DCDC1: variants seen among roughly 807,000 people sequenced by gnomAD.
The protein encoded by DCDC1 is doublecortin domain containing 1.
In DCDC1, 200 loss-of-function variants were observed where a neutral mutation model predicts 178.3. The ratio of observed to expected loss-of-function variants is 1.12; its 90% CI spans 1.00 to 1.26. The LOEUF (loss-of-function observed/expected upper bound fraction) is 1.26, where lower values mean the gene tolerates loss of function less well. DCDC1 is among the 50% of genes most tolerant of loss of function. The pLI is 0.00. For synonymous variants in DCDC1, 690 were observed against 604.8 expected (o/e 1.14, Z -2.07); for missense variants, 1,983 against 1,749.2 (o/e 1.13, Z -2.38).
chr11:31,264,906 G>C (rs1945040340), intron 8 of DCDC1, among the ~76,000 whole-genome samples: 1 of 152,094 alleles, frequency 6.6e-6, no homozygotes, highest in Non-Finnish European at 1.5e-5. Context: ...TTCAGTAGTA[G>C]CTTCAGATTG....
At chr11:30,888,418 C>A (rs1943494893) in intron 36 of DCDC1, among the ~76,000 whole-genome samples, 1 of 152,154 alleles carries the variant, frequency 6.6e-6, no homozygotes, top group African/African-American at 2.4e-5. Flanking sequence ...CATATTATGA[C>A]CTTTAAAGAC....
intron 36 of DCDC1, chr11:30,881,953 C>G (rs12284024): frequency 6.5e-6 from 1 of 153,768 alleles, no homozygotes; most frequent in South Asian, 2.1e-4. Flanking sequence ...TGCTGCCAGA[C>G]CCTTGAAGGC....
intron 9 of DCDC1, among the ~76,000 whole-genome samples, chr11:31,179,271 T>C (rs1968471695): frequency 6.6e-6 from 1 of 152,074 alleles, no homozygotes; most frequent in Non-Finnish European, 1.5e-5. Flanking sequence ...ACTATGAAGG[T>C]TCCTCAAAAT....
intron 1 of DCDC1, among the ~76,000 whole-genome samples, chr11:31,362,490 T>G (rs1951760834): frequency 6.6e-6 from 1 of 152,226 alleles, no homozygotes; most frequent in African/African-American, 2.4e-5. Context: ...TCACCACCTC[T>G]CATTCCTCAT....
chr11:31,280,192 A>C (rs1012109865), intron 7 of DCDC1, among the ~76,000 whole-genome samples: 3 of 152,154 alleles, frequency 2.0e-5, no homozygotes, highest in Admixed American at 2.0e-4. Flanking sequence ...CAAAAATATA[A>C]AGTAGACGTT....
intron 1 of DCDC1, among the ~76,000 whole-genome samples, chr11:31,362,780 T>C (rs1416041362): frequency 6.6e-6 from 1 of 152,202 alleles, no homozygotes; most frequent in Non-Finnish European, 1.5e-5. Flanking sequence ...AAACATCTAT[T>C]CTTCAGTATA....
At chr11:31,278,994 A>G (rs950300390) in intron 7 of DCDC1, among the ~76,000 whole-genome samples, 2 of 152,154 alleles carry the variant, frequency 1.3e-5, no homozygotes, top group African/African-American at 4.8e-5. Flanking sequence ...TCCTCAAAGA[A>G]AAGACTGGTT....
At chr11:31,333,285 T>C (rs996025111) in intron 2 of DCDC1, among the ~76,000 whole-genome samples, 12 of 152,172 alleles carry the variant, frequency 7.9e-5, no homozygotes, top group African/African-American at 2.7e-4. Flanking sequence ...TCTCTCCACA[T>C]GAGATGGGTC....
At chr11:31,176,251 G>A (rs571922215) in intron 9 of DCDC1, among the ~76,000 whole-genome samples, 11 of 152,110 alleles carry the variant, frequency 7.2e-5, no homozygotes, top group Non-Finnish European at 1.6e-4. Context: ...CTCAATGAAT[G>A]AAATAAATGA....
chr11:31,168,449 A>G (rs182445684), intron 9 of DCDC1, among the ~76,000 whole-genome samples: 46 of 152,348 alleles, frequency 3.0e-4, no homozygotes, highest in African/African-American at 1.1e-3. Context: ...GGCCCGTTAA[A>G]GACAAGGAAC....
chr11:31,230,431 T>C (rs1975624952), intron 9 of DCDC1, among the ~76,000 whole-genome samples: 1 of 151,904 alleles, frequency 6.6e-6, no homozygotes, highest in Non-Finnish European at 1.5e-5. Flanking sequence ...CTGCAGAGGC[T>C]GAGGGGTGGT....
chr11:31,363,629 G>T (rs1436688494), intron 1 of DCDC1, among the ~76,000 whole-genome samples: 1 of 151,968 alleles, frequency 6.6e-6, no homozygotes, highest in Non-Finnish European at 1.5e-5. Flanking sequence ...ACTTCAAAAG[G>T]TTCCATAACA....
At chr11:31,063,828 CA>C (rs1236723917) in intron 20 of DCDC1, among the ~76,000 whole-genome samples, 1 of 152,056 alleles carries the variant, frequency 6.6e-6, no homozygotes, top group African/African-American at 2.4e-5. Context: ...ACAGTAATTT[CA>C]AACAGTTTTA....
At chr11:30,875,406 A>C (rs1264435024) in intron 38 of DCDC1, among the ~76,000 whole-genome samples, 1 of 152,156 alleles carries the variant, frequency 6.6e-6, no homozygotes, top group Non-Finnish European at 1.5e-5. Context: ...GAGAGTCACC[A>C]CTGAGTCTAA....
At chr11:31,081,107 A>G (rs890222556) in intron 17 of DCDC1, among the ~76,000 whole-genome samples, 5 of 152,216 alleles carry the variant, frequency 3.3e-5, no homozygotes, top group South Asian at 4.1e-4. Context: ...GTATCCTCAG[A>G]GCTGATCACA....
At chr11:31,215,064 A>G in intron 9 of DCDC1, 1 of 170,866 alleles carries the variant, frequency 5.9e-6, no homozygotes, top group Non-Finnish European at 1.3e-5. Flanking sequence ...CTATGTCTAA[A>G]CTGGGTGAGA....
At chr11:31,057,027 T>C (rs1007145083) in intron 20 of DCDC1, among the ~76,000 whole-genome samples, 1 of 151,870 alleles carries the variant, frequency 6.6e-6, no homozygotes, top group Non-Finnish European at 1.5e-5. Flanking sequence ...AGGTCAGAAG[T>C]TGGAGACCAG....
At chr11:31,161,141 T>C (rs1966282374) in intron 9 of DCDC1, among the ~76,000 whole-genome samples, 1 of 152,142 alleles carries the variant, frequency 6.6e-6, no homozygotes, top group African/African-American at 2.4e-5. Flanking sequence ...CAGCTGTGAT[T>C]GCAGTACAGA....
chr11:31,263,845 G>A (rs1472619711), intron 8 of DCDC1, among the ~76,000 whole-genome samples: 1 of 152,070 alleles, frequency 6.6e-6, no homozygotes, highest in East Asian at 1.9e-4. Context: ...TAATATCTTG[G>A]CCCTCCTCAA....
Sources: gnomAD v4.1 joint callset for allele counts (sites outside exome capture counted in the v4.1 genomes callset) on GRCh38, gnomAD v4.1.1 for gene constraint, MANE v1.5 for transcripts, NCBI Gene and HGNC (gene_info 2026-07-23, HGNC 2026-07-21) for gene names.